ADAMTSL1: variants seen among roughly 807,000 people sequenced by gnomAD.
The protein encoded by ADAMTSL1 is ADAMTS-like protein 1.
ADAMTSL1 carries 126 observed loss-of-function variants against 201.8 expected under a neutral mutation model. That is an observed-to-expected ratio of 0.62 (90% confidence interval 0.54 to 0.72). The LOEUF is 0.72. Ranked by LOEUF, ADAMTSL1 falls within the 30% of genes least tolerant of loss-of-function variation. The pLI is 0.00. For synonymous variants in ADAMTSL1, 1,121 were observed against 903.4 expected (o/e 1.24, Z -4.32); for missense variants, 2,679 against 2,277.8 (o/e 1.18, Z -3.59).
Position 18,246,046 on chromosome 9 carries a change from G to A in ADAMTSL1, c.207+82065G>A, listed in dbSNP as rs1267024931. 5.3e-5 allele frequency among the ~76,000 whole-genome samples: 8 copies of A among 152,128 alleles called. No homozygotes were observed. In the East Asian group the frequency reaches 1.5e-3, roughly 29 times the overall value. On this transcript the variant is annotated intron_variant, in intron 2 of 29. Transcript: ENST00000680146. ...TTATTTCATCCTATGTCCCTCTACC[G>A]GCTGCTGTGGGTAAATTACAGACAC...
At chr9:18,119,579 AG>A (rs1196758998) in intron 1 of ADAMTSL1, among the ~76,000 whole-genome samples, 2 of 152,182 alleles carry the variant, frequency 1.3e-5, no homozygotes, top group Non-Finnish European at 2.9e-5. Context: ...CTGGGATTAC[AG>A]GCCTGCATAT....
At chr9:18,859,784 T>C (rs112007989) in intron 23 of ADAMTSL1, among the ~76,000 whole-genome samples, 3,787 of 152,338 alleles carry the variant, frequency 0.025, 92 homozygotes, top group South Asian at 0.086. Flanking sequence ...CATGTAATTA[T>C]CTATAAAGAG....
chr9:18,352,140 T>C (rs1174646902), intron 2 of ADAMTSL1, among the ~76,000 whole-genome samples: 1 of 152,164 alleles, frequency 6.6e-6, no homozygotes, highest in Non-Finnish European at 1.5e-5. Flanking sequence ...TACACAGCTG[T>C]AGCTTCTATA....
chr9:17,919,892 G>A (rs577433925), intron 1 of ADAMTSL1, among the ~76,000 whole-genome samples: 69 of 152,190 alleles, frequency 4.5e-4, no homozygotes, highest in Non-Finnish European at 9.0e-4. Flanking sequence ...TTGAGAAACT[G>A]CCAGAGTGTT....
intron 1 of ADAMTSL1, 42 bp from the exon 2 acceptor site, chr9:18,504,787 C>T: frequency 6.2e-7 from 1 of 1,614,028 alleles, no homozygotes; most frequent in Non-Finnish European, 8.5e-7. Context: ...TTTCAGGGTT[C>T]CATGGGGGAT....
chr9:18,286,333 G>T (rs1236370807), intron 2 of ADAMTSL1, among the ~76,000 whole-genome samples: 1 of 152,154 alleles, frequency 6.6e-6, no homozygotes, highest in Non-Finnish European at 1.5e-5. Flanking sequence ...TGGACTCAGT[G>T]AATATGTATT....
chr9:18,661,612 G>A (rs989356580), intron 8 of ADAMTSL1, among the ~76,000 whole-genome samples: 3 of 152,114 alleles, frequency 2.0e-5, no homozygotes, highest in African/African-American at 7.2e-5. Context: ...TTTGGACACA[G>A]AATTCTGCAT....
intron 2 of ADAMTSL1, among the ~76,000 whole-genome samples, chr9:18,174,757 C>G (rs914091658): frequency 6.6e-6 from 1 of 152,072 alleles, no homozygotes; most frequent in Admixed American, 6.6e-5. Context: ...GATGCAATTT[C>G]TAAATGTTCA....
At chr9:18,575,035 T>C (rs1822620362) in intron 4 of ADAMTSL1, among the ~76,000 whole-genome samples, 1 of 152,224 alleles carries the variant, frequency 6.6e-6, no homozygotes, top group African/African-American at 2.4e-5. Flanking sequence ...TTATATTTCA[T>C]GAAGCAGACA....
At chr9:18,070,834 C>T (rs1822931719) in intron 1 of ADAMTSL1, among the ~76,000 whole-genome samples, 1 of 152,138 alleles carries the variant, frequency 6.6e-6, no homozygotes, top group Non-Finnish European at 1.5e-5. Context: ...AAGGACTGCA[C>T]ACTCATCCCC....
At chr9:18,591,075 T>A (rs1057083272) in intron 4 of ADAMTSL1, among the ~76,000 whole-genome samples, 2 of 152,170 alleles carry the variant, frequency 1.3e-5, no homozygotes, top group Admixed American at 6.5e-5. Flanking sequence ...ACCCTGATGC[T>A]TTTTTGTTAA....
At position 18,301,055 on chromosome 9, in the gene ADAMTSL1, T is replaced by C. The variant is rs566658644; in HGVS notation, c.207+137074T>C. On this transcript the variant is annotated intron_variant, in intron 2 of 29. Coordinates refer to the ADAMTSL1 transcript ENST00000680146. ...AGTCACTACTTAACTCCACAGTAAA[T>C]ACTATTTATATAGCCATAATAATGA... 9.8e-5 allele frequency among the ~76,000 whole-genome samples: 15 copies of C among 152,290 alleles called. 1 individual carries two copies. In the South Asian group the frequency reaches 2.9e-3, roughly 30 times the overall value.
Position 18,908,494 on chromosome 9 carries a change from C to A in ADAMTSL1, c.5235C>A (p.Leu1745=). 1 of 1,564,756 alleles carries A rather than the reference C, an allele frequency of 6.4e-7. No individual in the cohort carries two copies. Among genetic ancestry groups the A allele is most frequent in the South Asian group, 1.2e-5 (1 of 84,594 alleles). ...GCGAGAAGGTGAAACAGCTGAAACTCTGCCAACTCAGCCAGTTTAAATCTC... is the reference window on the plus strand; with the variant it reads ...GCGAGAAGGTGAAACAGCTGAAACTATGCCAACTCAGCCAGTTTAAATCTC... ...RYCEKVKQLK[L]CQLSQFKSRC... The change falls in exon 29 of 29, where the codon CTC becomes CTA. Residue 1745 remains leucine (L), a synonymous_variant. Coordinates refer to ENST00000380548, the MANE Select transcript of ADAMTSL1 (RefSeq NM_001040272.6).
intron 2 of ADAMTSL1, among the ~76,000 whole-genome samples, chr9:18,460,419 C>A (rs1820766241): frequency 6.6e-6 from 1 of 152,070 alleles, no homozygotes; most frequent in Non-Finnish European, 1.5e-5. Context: ...CAGCCCTAAC[C>A]AAGGGGGACT....
rs772515087 is a variant in ADAMTSL1 at position 18,775,912 on chromosome 9, C to G, written c.2551+16C>G. On this transcript the variant is annotated intron_variant, in intron 18 of 28. Coordinates refer to ENST00000380548, the MANE Select transcript of ADAMTSL1 (RefSeq NM_001040272.6). ...ACCTGTGCAAGTAAGTATGTCAGGG[C>G]TCTGGGAATGGGGAGATGAAACCCA... 6.3e-7 allele frequency: 1 copy of G among 1,579,848 alleles called. No individual in the cohort carries two copies. Among genetic ancestry groups the G allele is most frequent in the South Asian group, 1.2e-5 (1 of 86,330 alleles).
At chr9:18,252,205 T>C (rs1179316060) in intron 2 of ADAMTSL1, among the ~76,000 whole-genome samples, 1 of 152,040 alleles carries the variant, frequency 6.6e-6, no homozygotes, top group Non-Finnish European at 1.5e-5. Flanking sequence ...ATTAAGAGTT[T>C]CTATAATTAT....
chr9:18,536,269 T>C (rs1819767463), intron 3 of ADAMTSL1, among the ~76,000 whole-genome samples: 1 of 152,160 alleles, frequency 6.6e-6, no homozygotes, highest in Non-Finnish European at 1.5e-5. Context: ...CTTAGCTAAA[T>C]CTCCACGGTC....
chr9:18,161,469 T>C (rs1345602866), intron 1 of ADAMTSL1, among the ~76,000 whole-genome samples: 1 of 152,078 alleles, frequency 6.6e-6, no homozygotes, highest in Non-Finnish European at 1.5e-5. Flanking sequence ...TTTGAAGAAA[T>C]GTTTCATAAA....
At chr9:18,054,760 G>C (rs1243088983) in intron 1 of ADAMTSL1, among the ~76,000 whole-genome samples, 1 of 152,178 alleles carries the variant, frequency 6.6e-6, no homozygotes, top group Non-Finnish European at 1.5e-5. Context: ...TATCAAGGCT[G>C]TCTTTTTATT....
Sources: gnomAD v4.1 joint callset for allele counts (sites outside exome capture counted in the v4.1 genomes callset) on GRCh38, gnomAD v4.1.1 for gene constraint, MANE v1.5 for transcripts, NCBI Gene and HGNC (gene_info 2026-07-23, HGNC 2026-07-21) for gene names.